SALL3: variants seen among roughly 807,000 people sequenced by gnomAD.
SALL3 encodes spalt like transcription factor 3.
SALL3 carries 25 observed loss-of-function variants against 66.2 expected under a neutral mutation model. The observed-to-expected ratio is 0.38, with a 90% CI of 0.28 to 0.53. SALL3 has a LOEUF of 0.53. SALL3 is among the 20% of genes least tolerant of loss of function. The probability of loss-of-function intolerance (pLI) is 0.85; values close to 1 mark genes in which losing one functional copy is unlikely to be tolerated. For missense variants in SALL3, 2,194 were observed against 1,916.5 expected (o/e 1.14, Z -2.70); for synonymous variants, 1,152 against 899.1 (o/e 1.28, Z -5.03).
At position 78,994,819 on chromosome 18, in the gene SALL3, C is replaced by T. The variant is rs1914625371; in HGVS notation, c.2828C>T (p.Ala943Val). Reference protein sequence around the residue: ...LKTERPDSPAAAPGSGGAPGR... With the variant: ...LKTERPDSPAVAPGSGGAPGR... ...ACCGAGAGGCCGGACAGCCCAGCCG[C>T]CGCCCCGGGCAGCGGAGGCGCCCCT... Residue 943 changes from alanine (A) to valine (V), a missense_variant, in exon 2 of 3, where the codon GCC (alanine) becomes GTC (valine). Ala to Val is a moderately conservative substitution (Grantham distance 64, BLOSUM62 0). Coordinates refer to ENST00000537592, the MANE Select transcript of SALL3 (RefSeq NM_171999.4). 3.1e-6 allele frequency: 5 copies of T among 1,595,016 alleles called. No homozygotes were observed. In the South Asian group the frequency reaches 5.6e-5, roughly 18 times the overall value.
intron 1 of SALL3, among the ~76,000 whole-genome samples, chr18:78,980,564 G>C (rs1253117846): frequency 6.6e-6 from 1 of 151,942 alleles, no homozygotes; most frequent in East Asian, 1.9e-4. Context: ...AGTTGTGGGC[G>C]AAGTAAACTT....
At position 78,996,167 on chromosome 18, in the gene SALL3, C is replaced by T. The variant is rs184459300; in HGVS notation, c.3471+705C>T. Among the ~76,000 whole-genome samples the T allele has an allele frequency of 2.6e-5, 4 of 152,168 alleles. No individual in the cohort carries two copies. The South Asian group carries it at 8.3e-4, about 32-fold the overall frequency. Reference sequence around the variant, plus strand: ...TCCTGGCGTGGGGCAGAGGAGCCAGCGCTGTGCAGTGTTCCTGTATGAGAT... The same window carrying T: ...TCCTGGCGTGGGGCAGAGGAGCCAGTGCTGTGCAGTGTTCCTGTATGAGAT... On this transcript the variant is annotated intron_variant, in intron 2 of 2. Coordinates refer to ENST00000537592, the MANE Select transcript of SALL3 (RefSeq NM_171999.4).
intron 1 of SALL3, among the ~76,000 whole-genome samples, chr18:78,986,973 A>T (rs1476160289): frequency 6.6e-6 from 1 of 152,186 alleles, no homozygotes; most frequent in Non-Finnish European, 1.5e-5. Flanking sequence ...TATACACAGC[A>T]TATCTTAAGT....
In SALL3 at chr18:78,983,263, A is replaced by G. The variant is rs981304227; in HGVS notation, c.82+2907A>G. ...AGGATCCAGTGAACTTTGCGCCACT[A>G]GTAATCCTGTGAGCCAGCTGAATAT... On this transcript the variant is annotated intron_variant, in intron 1 of 2. Coordinates refer to ENST00000537592, the MANE Select transcript of SALL3 (RefSeq NM_171999.4). Among the ~76,000 whole-genome samples the G allele has an allele frequency of 4.6e-5, 7 of 152,264 alleles. No individual in the cohort carries two copies. The East Asian group carries it at 7.7e-4, about 17-fold the overall frequency.
rs1382907821 is a variant in SALL3, at chr18:78,997,632, C to A, written c.*310C>A. 1.0e-5 allele frequency: 4 copies of A among 392,218 alleles called. No individual in the cohort carries two copies. The highest frequency in any genetic ancestry group is 1.4e-5 in the Non-Finnish European group (3 of 220,156). 24.3% of individuals were successfully genotyped at this position (392,218 alleles called of 1,614,324 possible). On this transcript the variant is annotated 3_prime_UTR_variant, in exon 3 of 3. Coordinates refer to ENST00000537592, the MANE Select transcript of SALL3 (RefSeq NM_171999.4). The stretch of plus-strand genomic sequence containing the variant: ...TTTCTCCTGAAACCTAATAATCTCT[C>A]CGAGGGAGAAAGGGGTTCTCTGCGG...
rs375424985 is a variant in SALL3, at chr18:78,997,852, G to C, written c.*530G>C. ...CAATATAATAGCCCCGACCTTAAAC[G>C]AAGCTTTTGTACTGCAGAATACATC... On this transcript the variant is annotated 3_prime_UTR_variant, in exon 3 of 3. Transcript: ENST00000537592. 1.3e-5 allele frequency: 2 copies of C among 153,040 alleles called. No individual in the cohort carries two copies. Among genetic ancestry groups the C allele is most frequent in the Non-Finnish European group, 2.9e-5 (2 of 68,654 alleles). The allele number at this position is 153,040 out of a possible 1,614,324, so 9.5% of individuals were successfully genotyped here.
At chr18:78,984,626 A>T (rs1306034675) in intron 1 of SALL3, among the ~76,000 whole-genome samples, 12 of 117,222 alleles carry the variant, frequency 1.0e-4, no homozygotes, top group South Asian at 2.3e-4. Context: ...ACTTTTATTT[A>T]AAAAAAAAAA....
Position 78,980,334 on chromosome 18 carries a change from G to A in SALL3, c.60G>A (p.Pro20=), listed in dbSNP as rs1913976249. The part of the protein sequence containing the change: ...QHLKSDEELL[P]PDGAPEHAAP... Reference sequence around the variant, plus strand: ...TCAAGTCGGACGAGGAGCTGCTGCCGCCTGACGGGGCTCCCGAGCACGGTG... The same window carrying A: ...TCAAGTCGGACGAGGAGCTGCTGCCACCTGACGGGGCTCCCGAGCACGGTG... Residue 20 remains proline (P), a synonymous_variant, in exon 1 of 3, where the codon CCG becomes CCA. Transcript: ENST00000537592. 1 of 1,439,948 alleles carries A rather than the reference G, an allele frequency of 6.9e-7. No individual in the cohort carries two copies. The allele number at this position is 1,439,948 out of a possible 1,614,324, so 89.2% of individuals were successfully genotyped here.
At position 78,998,477 on chromosome 18, in the gene SALL3, T is replaced by A. The variant is rs1914773744; in HGVS notation, c.*1155T>A. The A allele has an allele frequency of 6.6e-6, 1 of 152,186 alleles. No individual in the cohort carries two copies. The highest frequency in any genetic ancestry group is 1.9e-4 in the East Asian group (1 of 5,196). The allele number at this position is 152,186 out of a possible 1,614,324, so 9.4% of individuals were successfully genotyped here. A position where few individuals can be genotyped will look rare whatever the true frequency, so the allele number is the denominator to read the frequency against. On this transcript the variant is annotated 3_prime_UTR_variant, in exon 3 of 3. Transcript: ENST00000537592. ...CGTTTCTTAAATTAAAATGATTTAT[T>A]TAACTTTTCCACAAAGCCCACTTTA...
In SALL3 at chr18:78,997,348, C is replaced by G; in HGVS notation, c.*26C>G. Reference sequence around the variant, plus strand: ...CCAGTGACTCGCTCATCTGCCCTGCCCAGGCCCACGTTTTGAAGTTGGAGC... The same window carrying G: ...CCAGTGACTCGCTCATCTGCCCTGCGCAGGCCCACGTTTTGAAGTTGGAGC... On this transcript the variant is annotated 3_prime_UTR_variant, in exon 3 of 3. Transcript: ENST00000537592. The G allele has an allele frequency of 1.3e-6, 2 of 1,593,198 alleles. No individual in the cohort carries two copies. Among genetic ancestry groups the G allele is most frequent in the Non-Finnish European group, 1.7e-6 (2 of 1,166,130 alleles).
At chr18:78,989,675 C>T (rs1243800147) in intron 1 of SALL3, among the ~76,000 whole-genome samples, 14 of 152,162 alleles carry the variant, frequency 9.2e-5, no homozygotes, top group Admixed American at 6.5e-5. Flanking sequence ...ATAAGTTATA[C>T]ATTTTATCTC....
chr18:78,986,810 G>T (rs1914261820), intron 1 of SALL3, among the ~76,000 whole-genome samples: 1 of 152,208 alleles, frequency 6.6e-6, no homozygotes, highest in Non-Finnish European at 1.5e-5. Context: ...TGTATTGAAG[G>T]TGAGCTTTTG....
At position 78,992,296 on chromosome 18, in the gene SALL3, C is replaced by G. The variant is rs764272585; in HGVS notation, c.305C>G (p.Ser102Cys). 16 of 1,530,982 alleles carry G rather than the reference C, an allele frequency of 1.0e-5. No individual in the cohort carries two copies. The highest frequency in any genetic ancestry group is 1.4e-5 in the African/African-American group (1 of 69,956). The allele number at this position is 1,530,982 out of a possible 1,614,324, so 94.8% of individuals were successfully genotyped here. ...TTCCCCGAGCCTTCGCCCGCCAGCT[C>G]CCCCAGCGAGCGCGCCGAAAGCGAG... ...EDFPEPSPAS[S>C]PSERAESEAA... The change falls in exon 2 of 3, where the codon TCC (serine) becomes TGC (cysteine). Residue 102 changes from serine (S) to cysteine (C), a missense_variant. Physicochemically the swap from Ser to Cys is moderately radical, Grantham distance 112 (BLOSUM62 -1). Coordinates refer to ENST00000537592, the MANE Select transcript of SALL3 (RefSeq NM_171999.4).
Position 78,992,674 on chromosome 18 carries a change from G to A in SALL3, c.683G>A (p.Ser228Asn). 1 of 1,536,468 alleles carries A rather than the reference G, an allele frequency of 6.5e-7. No homozygotes were observed. The highest frequency in any genetic ancestry group is 8.7e-7 in the Non-Finnish European group (1 of 1,147,092). Residue 228 changes from serine (S) to asparagine (N), a missense_variant, in exon 2 of 3, where the codon AGC (serine) becomes AAC (asparagine). Coordinates refer to ENST00000537592, the MANE Select transcript of SALL3 (RefSeq NM_171999.4). The stretch of plus-strand genomic sequence containing the variant: ...CTGCAGCTCATCGAGCAGATCCGCA[G>A]CCAGGTGGCCCTCATGCAGCGCCCG... ...HQLQLIEQIRSQVALMQRPPP... is the reference protein window; with the variant it reads ...HQLQLIEQIRNQVALMQRPPP...
rs749901898 is a variant in SALL3, at chr18:78,994,676, C to T, written c.2685C>T (p.Ala895=). 3.1e-6 allele frequency: 5 copies of T among 1,608,874 alleles called. No homozygotes were observed. In the South Asian group the frequency reaches 5.5e-5, roughly 18 times the overall value. Residue 895 remains alanine, a synonymous_variant, in exon 2 of 3, where the codon GCC becomes GCT. Coordinates refer to ENST00000537592, the MANE Select transcript of SALL3 (RefSeq NM_171999.4). ...AGAGCCGCAGCGCGGGCAGCCCCGC[C>T]CTGTCCGAGTCCTCGTCCTCGCAGG... ...DLESRSAGSP[A]LSESSSSQAL...
rs780146403 is a variant in SALL3 at position 78,995,108 on chromosome 18, CA to C, written c.3119del (p.Asn1040ThrfsTer4). On this transcript the variant is annotated frameshift_variant, in exon 2 of 3. Transcript: ENST00000537592. LOFTEE classifies it high-confidence loss of function. The part of the protein sequence containing the change: ...KELPSQLFDP[N>X]FALGPSQSTP... ...AGCTGCCTTCTCAGTTATTTGACCC[CA>C]ACTTTGCTCTAGGTCCCAGCCAAAG... The C allele has an allele frequency of 1.9e-6, 3 of 1,613,882 alleles. No individual in the cohort carries two copies. The highest frequency in any genetic ancestry group is 1.3e-5 in the African/African-American group (1 of 75,064).
At chr18:78,986,400 C>T (rs1023453982) in intron 1 of SALL3, among the ~76,000 whole-genome samples, 4 of 152,106 alleles carry the variant, frequency 2.6e-5, no homozygotes, top group African/African-American at 9.7e-5. Context: ...TCTGAGGTCT[C>T]GGGAAAAGGA....
At position 78,993,032 on chromosome 18, in the gene SALL3, C is replaced by G. The variant is rs1319766016; in HGVS notation, c.1041C>G (p.Ala347=). The G allele has an allele frequency of 6.4e-7, 1 of 1,569,252 alleles. No individual in the cohort carries two copies. The highest frequency in any genetic ancestry group is 1.2e-5 in the South Asian group (1 of 86,290). The change falls in exon 2 of 3, where the codon GCC becomes GCG. Residue 347 remains alanine (A), a synonymous_variant. Coordinates refer to ENST00000537592, the MANE Select transcript of SALL3 (RefSeq NM_171999.4). ...PQSASTPPAL[A]PGSLLGAAPG... ...GCGCATCCACGCCGCCTGCCCTGGCCCCGGGGTCCCTGCTGGGTGCGGCGC... is the reference window on the plus strand; with the variant it reads ...GCGCATCCACGCCGCCTGCCCTGGCGCCGGGGTCCCTGCTGGGTGCGGCGC...
chr18:78,980,694 C>T (rs981132044), intron 1 of SALL3, among the ~76,000 whole-genome samples: 2 of 151,824 alleles, frequency 1.3e-5, no homozygotes, highest in Non-Finnish European at 2.9e-5. Context: ...GCCGCGCCGC[C>T]CCCCAGGGTC....
Sources: allele counts gnomAD v4.1 joint callset (sites outside exome capture counted in the v4.1 genomes callset), GRCh38; gene constraint gnomAD v4.1.1; transcripts MANE v1.5; gene names NCBI Gene and HGNC (gene_info 2026-07-23, HGNC 2026-07-21).